CASKIN1: variants seen among roughly 807,000 people sequenced by gnomAD.
CASKIN1 encodes the protein CASK interacting protein 1.
Under a neutral mutation model 117.5 loss-of-function variants are expected in CASKIN1, and 42 were observed. The observed-to-expected ratio is 0.36, with a 90% CI of 0.28 to 0.46. CASKIN1 has a LOEUF of 0.46. CASKIN1 is among the 20% of genes least tolerant of loss of function. The probability of loss-of-function intolerance (pLI) is 1.00; values close to 1 mark genes in which losing one functional copy is unlikely to be tolerated. For synonymous variants in CASKIN1, 1,148 were observed against 961.7 expected (o/e 1.19, Z -3.59); for missense variants, 2,083 against 2,077.3 (o/e 1.00, Z -0.05).
At chr16:2,184,731 A>T (rs1385498652) in intron 14 of CASKIN1, 46 bp downstream of exon 14, 3 of 1,434,022 alleles carry the variant, frequency 2.1e-6, no homozygotes, top group Non-Finnish European at 2.8e-6. Context: ...TCGGCCTTAC[A>T]GCCTCTCCCC....
At position 2,186,773 on chromosome 16, in the gene CASKIN1, G is replaced by C; in HGVS notation, c.982C>G (p.Arg328Gly). 6.2e-7 allele frequency: 1 copy of C among 1,613,034 alleles called. No homozygotes were observed. Among genetic ancestry groups the C allele is most frequent in the Non-Finnish European group, 8.5e-7 (1 of 1,179,960 alleles). Residue 328 changes from arginine to glycine, a missense_variant, in exon 10 of 20, where the codon CGG becomes GGG. Physicochemically the swap from Arg to Gly is moderately radical, Grantham distance 125. Around this residue, in one of 3 missense-constraint regions of CASKIN1, gnomAD observed 1,818 missense variants for 1,688.9 expected, o/e 1.08. Coordinates refer to ENST00000343516, the MANE Select transcript of CASKIN1 (RefSeq NM_020764.4). ...GRWKGCIHDN[R>G]TGNDRVGYFP... ...TAGCCCACCCGGTCATTGCCCGTCC[G>C]GTTGTCATGGATGCAGCCCTTCCAC...
intron 14 of CASKIN1, among the ~76,000 whole-genome samples, 197 bp downstream of exon 14, chr16:2,184,580 G>A (rs1020734909): frequency 2.6e-5 from 4 of 152,088 alleles, no homozygotes; most frequent in African/African-American, 9.7e-5. Context: ...CGCACAGCCT[G>A]CACAATGACG....
At position 2,187,335 on chromosome 16, in the gene CASKIN1, C is replaced by A; in HGVS notation, c.726+18G>T. On this transcript the variant is annotated intron_variant, in intron 7 of 19. Transcript: ENST00000343516. Reference sequence around the variant, plus strand: ...CCTACAGTCCACTGGGCCCAGCGCCCCTGGGCCCCACACTCACATCCAGCA... The same window carrying A: ...CCTACAGTCCACTGGGCCCAGCGCCACTGGGCCCCACACTCACATCCAGCA... 6.2e-7 allele frequency: 1 copy of A among 1,611,460 alleles called. No homozygotes were observed. The highest frequency in any genetic ancestry group is 8.5e-7 in the Non-Finnish European group (1 of 1,178,094).
rs1163223812 is a variant in CASKIN1 at position 2,180,167 on chromosome 16, G to A, written c.3201C>T (p.Ser1067=). 22 of 1,551,814 alleles carry A rather than the reference G, an allele frequency of 1.4e-5. No individual in the cohort carries two copies. Among genetic ancestry groups the A allele is most frequent in the Middle Eastern group, 2.0e-4 (1 of 5,104 alleles). ...TGGCCAGAAGTCCGGTGACTGGCCC[G>A]CTGAGCGTGCGGCGCCGGTTCACCA... ...GEVVNRRRTL[S]GPVTGLLATA... is the part of the protein sequence containing the mutation. The change falls in exon 18 of 20, where the codon AGC becomes AGT. Residue 1067 remains serine (S), a synonymous_variant. Transcript: ENST00000343516.
intron 1 of CASKIN1, among the ~76,000 whole-genome samples, chr16:2,194,171 G>A (rs977441396): frequency 6.6e-6 from 1 of 152,314 alleles, no homozygotes; most frequent in East Asian, 1.9e-4. Flanking sequence ...GGGGGATGGG[G>A]AGCTGGCCCT....
intron 14 of CASKIN1, among the ~76,000 whole-genome samples, chr16:2,184,487 C>G (rs1166650484): frequency 6.6e-6 from 1 of 152,196 alleles, no homozygotes; most frequent in Non-Finnish European, 1.5e-5. Flanking sequence ...TCCCCTTCCA[C>G]CTGTACACAG....
In CASKIN1 at chr16:2,178,836, CTGCCGAGCCCCGCCCATCT is replaced by C. The variant is rs2093155262; in HGVS notation, c.4199+47_4199+65del. ...CATCTCTGCCGAGCCCCGCCCATCT[CTGCCGAGCCCCGCCCATCT>C]CTGCCGAGCCCCGCCCTCCGCCCGC... is the stretch of plus-strand genomic sequence containing the variant. On this transcript the variant is annotated intron_variant, in intron 19 of 19. Transcript: ENST00000343516. 4.4e-6 allele frequency: 6 copies of C among 1,349,018 alleles called. No homozygotes were observed. In the African/African-American group the frequency reaches 9.8e-5, roughly 22 times the overall value. The allele number at this position is 1,349,018 out of a possible 1,614,324, so 83.6% of individuals were successfully genotyped here.
rs372758880 is a variant in CASKIN1 at position 2,181,807 on chromosome 16, G to C, written c.1752C>G (p.Ile584Met). 2 of 1,613,330 alleles carry C rather than the reference G, an allele frequency of 1.2e-6. No homozygotes were observed. Among genetic ancestry groups the C allele is most frequent in the Non-Finnish European group, 1.7e-6 (2 of 1,179,894 alleles). Residue 584 changes from isoleucine (I) to methionine (M), a missense_variant, in exon 17 of 20, where the codon ATC (isoleucine) becomes ATG (methionine). Physicochemically the swap from Ile to Met is conservative, Grantham distance 10. Around this residue, in one of 3 missense-constraint regions of CASKIN1, gnomAD observed 1,818 missense variants for 1,688.9 expected, o/e 1.08. Coordinates refer to ENST00000343516, the MANE Select transcript of CASKIN1 (RefSeq NM_020764.4). Reference protein sequence around the residue: ...TDITWEDLQEIGITKLGHQKK... With the variant: ...TDITWEDLQEMGITKLGHQKK... The stretch of plus-strand genomic sequence containing the variant: ...GGGCCTCACCCAGCTTGGTGATGCC[G>C]ATCTCCTGCAGGTCCTCCCAGGTGA...
At chr16:2,178,710 A>G in intron 19 of CASKIN1, 64 bp from the exon 20 acceptor site, 2 of 1,447,164 alleles carry the variant, frequency 1.4e-6, no homozygotes, top group Non-Finnish European at 1.8e-6. Context: ...CACCCCGACC[A>G]GGACACGCCC....
In CASKIN1 at chr16:2,181,301, G is replaced by C. The variant is rs191978060; in HGVS notation, c.2067C>G (p.Thr689=). 1.4e-5 allele frequency: 23 copies of C among 1,603,496 alleles called. No homozygotes were observed. Among genetic ancestry groups the C allele is most frequent in the African/African-American group, 1.3e-4 (10 of 74,864 alleles). ...SSHLPPTPRA[T]TRQDSSLGGR... ...CACCCAGGCTGGAGTCCTGCCGCGT[G>C]GTGGCCCTCGGGGTGGGTGGCAGGT... Residue 689 remains threonine (T), a synonymous_variant, in exon 18 of 20, where the codon ACC becomes ACG. Transcript: ENST00000343516.
chr16:2,178,485 C>A lies in CASKIN1; in HGVS notation c.*65G>T. On this transcript the variant is annotated 3_prime_UTR_variant, in exon 20 of 20. Transcript: ENST00000343516. ...TCGCGCCGCGCCCAGACGCGCCCAT[C>A]CTGAGGTATAGGTCAGTGTGCGGGG... is the stretch of plus-strand genomic sequence containing the variant. 7.6e-7 allele frequency: 1 copy of A among 1,321,258 alleles called. No individual in the cohort carries two copies. 81.8% of individuals were successfully genotyped at this position (1,321,258 alleles called of 1,614,324 possible). A position where few individuals can be genotyped will look rare whatever the true frequency, so the allele number is the denominator to read the frequency against.
chr16:2,188,989 G>A (rs2093192958), intron 6 of CASKIN1, 38 bp downstream of exon 6: 4 of 1,583,336 alleles, frequency 2.5e-6, no homozygotes, highest in South Asian at 1.1e-5. Context: ...GAACCCTGGG[G>A]ACCCTAAGGC....
chr16:2,191,142 T>C (rs1010968083), intron 1 of CASKIN1, among the ~76,000 whole-genome samples: 1 of 152,188 alleles, frequency 6.6e-6, no homozygotes, highest in Admixed American at 6.5e-5. Flanking sequence ...CCCGCCTATC[T>C]GGGCCGTGGT....
At chr16:2,185,490 C>T in intron 10 of CASKIN1, 82 bp from the exon 11 acceptor site, 2 of 1,203,644 alleles carry the variant, frequency 1.7e-6, no homozygotes, top group Non-Finnish European at 2.3e-6. Flanking sequence ...GAGACTGGCG[C>T]AGCCACAGCC....
chr16:2,190,403 C>T (rs1302617688), intron 1 of CASKIN1, 45 bp from the exon 2 acceptor site: 1 of 1,541,012 alleles, frequency 6.5e-7, no homozygotes, highest in Non-Finnish European at 8.8e-7. Context: ...GTGCCAGCCC[C>T]TCCAGGCGGC....
rs2093216733 is a variant in CASKIN1, at chr16:2,196,485, C to T, written c.-53G>A. On this transcript the variant is annotated 5_prime_UTR_variant, in exon 1 of 20. Coordinates refer to ENST00000343516, the MANE Select transcript of CASKIN1 (RefSeq NM_020764.4). This position sits in a 1 kb window ranked among gnomAD's most constrained non-coding sequence, Gnocchi z 5.7. ...CTGCGCTCGTGAGCTCGGCGCGGCT[C>T]AGAGGCGGCGGCGGCCCCGCGGCAC... 2 of 945,850 alleles carry T rather than the reference C, an allele frequency of 2.1e-6. No homozygotes were observed. The highest frequency in any genetic ancestry group is 9.7e-5 in the South Asian group (2 of 20,598). 58.6% of individuals were successfully genotyped at this position (945,850 alleles called of 1,614,324 possible). A position where few individuals can be genotyped will look rare whatever the true frequency, so the allele number is the denominator to read the frequency against.
At position 2,187,147 on chromosome 16, in the gene CASKIN1, C is replaced by A. The variant is rs752644930; in HGVS notation, c.835+19G>T. The A allele has an allele frequency of 5.6e-6, 9 of 1,613,468 alleles. No homozygotes were observed. The African/African-American group carries it at 1.2e-4, about 22-fold the overall frequency. On this transcript the variant is annotated intron_variant, in intron 8 of 19. Coordinates refer to ENST00000343516, the MANE Select transcript of CASKIN1 (RefSeq NM_020764.4). ...AGCCCCAGCCCCAGCCACTGCCCCT[C>A]TGCCCTGCCTGGGCCCACCTCGCAA... is the stretch of plus-strand genomic sequence containing the variant.
At chr16:2,185,275 T>G in intron 11 of CASKIN1, 32 bp downstream of exon 11, 1 of 1,596,112 alleles carries the variant, frequency 6.3e-7, no homozygotes. Flanking sequence ...GTGGAAGTCC[T>G]GCCACCTCTG....
intron 1 of CASKIN1, among the ~76,000 whole-genome samples, chr16:2,192,184 T>C (rs1293602564): frequency 1.3e-5 from 2 of 151,802 alleles, no homozygotes; most frequent in Admixed American, 1.3e-4. Flanking sequence ...CTGTGGTCCC[T>C]GCTACTTGGG....
Sources: gnomAD v4.1 joint callset for allele counts (sites outside exome capture counted in the v4.1 genomes callset) on GRCh38, gnomAD v4.1.1 for gene constraint, gnomAD v4.1.1 regional missense constraint, Gnocchi (gnomAD v3.1) non-coding constraint, MANE v1.5 for transcripts, NCBI Gene and HGNC (gene_info 2026-07-23, HGNC 2026-07-21) for gene names.